Variants in CDK8 observed in about 807,000 individuals in gnomAD.
CDK8 encodes cyclin dependent kinase 8.
CDK8 carries 29 observed loss-of-function variants against 71.5 expected under a neutral mutation model. The ratio of observed to expected loss-of-function variants is 0.41; its 90% CI spans 0.30 to 0.55. CDK8 has a LOEUF of 0.55. Ranked by LOEUF, CDK8 falls within the 20% of genes least tolerant of loss-of-function variation. The probability of loss-of-function intolerance (pLI) is 0.37; values close to 1 mark genes in which losing one functional copy is unlikely to be tolerated. For missense variants in CDK8, 288 were observed against 572.6 expected, an observed-to-expected ratio of 0.50 and a Z score of 5.07; for synonymous variants, 161 against 192.1, an observed-to-expected ratio of 0.84 and a Z score of 1.34.
At chr13:26,277,903 T>C (rs1285996689) in intron 1 of CDK8, among the ~76,000 whole-genome samples, 1 of 152,230 alleles carries the variant, frequency 6.6e-6, no homozygotes, top group Non-Finnish European at 1.5e-5. Context: ...ATATGGGTAC[T>C]AGTTCAAATA....
At position 26,400,544 on chromosome 13, in the gene CDK8, C is replaced by T. The variant is rs2138073950; in HGVS notation, c.1025C>T (p.Thr342Ile). ...DPYFLEDPLP[T>I]SDVFAGCQIP... is the part of the protein sequence containing the mutation. Reference sequence around the variant, plus strand: ...TATTTCTTAGAAGACCCACTTCCTACATCAGAGTAAGTGGCCTAGTTGGTT... The same window carrying T: ...TATTTCTTAGAAGACCCACTTCCTATATCAGAGTAAGTGGCCTAGTTGGTT... Residue 342 changes from threonine (T) to isoleucine (I), a missense_variant, in exon 10 of 13, where the codon ACA (threonine) becomes ATA (isoleucine). By Grantham distance (89) the Thr-to-Ile change is moderately conservative (BLOSUM62 -1). This residue lies in a region of CDK8 where 96 missense variants were observed against 229.8 expected (regional missense o/e 0.42). Transcript: ENST00000381527. 6.3e-7 allele frequency: 1 copy of T among 1,592,650 alleles called. No homozygotes were observed. The highest frequency in any genetic ancestry group is 1.3e-5 in the African/African-American group (1 of 74,580).
chr13:26,350,620 CAG>C (rs1873645011), intron 3 of CDK8, among the ~76,000 whole-genome samples: 1 of 152,072 alleles, frequency 6.6e-6, no homozygotes, highest in Non-Finnish European at 1.5e-5. Flanking sequence ...TTAGTAGAGA[CAG>C]GGTTTCACCA....
intron 1 of CDK8, among the ~76,000 whole-genome samples, chr13:26,326,769 T>A (rs778709909): frequency 1.9e-4 from 29 of 152,200 alleles, no homozygotes; most frequent in Admixed American, 5.9e-4. Flanking sequence ...TGTGTTCAAG[T>A]GCAGTCTCTG....
rs1389060598 is a variant in CDK8, at chr13:26,404,139, C to G, written c.*58C>G. 1.9e-6 allele frequency: 3 copies of G among 1,594,172 alleles called. No individual in the cohort carries two copies. The highest frequency in any genetic ancestry group is 2.6e-6 in the Non-Finnish European group (3 of 1,168,228). On this transcript the variant is annotated 3_prime_UTR_variant, in exon 13 of 13. Transcript: ENST00000381527. ...GAATGCTGCAGGGCTGACTGTGCAG[C>G]TCTCTGCGGGAACCTGGTATGGGCC...
intron 4 of CDK8, among the ~76,000 whole-genome samples, chr13:26,368,886 CTTTTGTTTTT>C (rs1258568546): frequency 6.6e-6 from 1 of 151,816 alleles, no homozygotes; most frequent in Non-Finnish European, 1.5e-5. Flanking sequence ...ATATTGTTTT[CTTTTGTTTTT>C]AATGTTGAAC....
At chr13:26,326,136 T>G (rs1385157755) in intron 1 of CDK8, among the ~76,000 whole-genome samples, 1 of 152,206 alleles carries the variant, frequency 6.6e-6, no homozygotes, top group African/African-American at 2.4e-5. Context: ...AAGTATGACA[T>G]CATAGGGGTA....
chr13:26,298,186 G>T (rs754886040), intron 1 of CDK8, among the ~76,000 whole-genome samples: 1 of 152,060 alleles, frequency 6.6e-6, no homozygotes, highest in Non-Finnish European at 1.5e-5. Context: ...ATGAGTTCTT[G>T]GCAAGCAGTG....
At chr13:26,384,248 T>G (rs1018704847) in intron 5 of CDK8, among the ~76,000 whole-genome samples, 2 of 85,044 alleles carry the variant, frequency 2.4e-5, no homozygotes, top group East Asian at 1.2e-3. Context: ...ACTTTTGGGT[T>G]TTTTTTTTTA....
chr13:26,263,982 C>T (rs1871908568), intron 1 of CDK8, among the ~76,000 whole-genome samples: 1 of 141,492 alleles, frequency 7.1e-6, no homozygotes, highest in Non-Finnish European at 1.5e-5. Context: ...CTCCTGACCT[C>T]GTGATCCGCC....
intron 9 of CDK8, among the ~76,000 whole-genome samples, chr13:26,398,293 T>C (rs747142000): frequency 2.6e-5 from 4 of 152,284 alleles, no homozygotes; most frequent in Non-Finnish European, 5.9e-5. Flanking sequence ...TTCGAAATTA[T>C]GGACTTACTG....
At chr13:26,276,124 G>A (rs1872554691) in intron 1 of CDK8, among the ~76,000 whole-genome samples, 1 of 152,192 alleles carries the variant, frequency 6.6e-6, no homozygotes, top group Non-Finnish European at 1.5e-5. Flanking sequence ...GCCTCCCAAA[G>A]TGCTGGGATT....
chr13:26,345,446 A>G (rs1301918085), intron 2 of CDK8, among the ~76,000 whole-genome samples: 1 of 151,980 alleles, frequency 6.6e-6, no homozygotes, highest in Non-Finnish European at 1.5e-5. Flanking sequence ...CCTTGGTGTG[A>G]TCTCAGCTCA....
chr13:26,335,591 T>C (rs1425377959), intron 1 of CDK8, among the ~76,000 whole-genome samples: 1 of 152,150 alleles, frequency 6.6e-6, no homozygotes, highest in African/African-American at 2.4e-5. Context: ...ATCACCTACC[T>C]GTTCCCTCAA....
At chr13:26,359,775 G>A in intron 4 of CDK8, 1 of 406,054 alleles carries the variant, frequency 2.5e-6, no homozygotes, top group Non-Finnish European at 4.9e-6. Context: ...GAGTGCAATG[G>A]CATGATCACA....
intron 2 of CDK8, among the ~76,000 whole-genome samples, chr13:26,342,641 G>A (rs1246581446): frequency 6.6e-6 from 1 of 152,128 alleles, no homozygotes; most frequent in Non-Finnish European, 1.5e-5. Flanking sequence ...TGTCCACTGA[G>A]ACAGTTCCAT....
intron 6 of CDK8, among the ~76,000 whole-genome samples, chr13:26,386,544 C>G (rs532904774): frequency 7.6e-4 from 115 of 152,158 alleles, no homozygotes; most frequent in Middle Eastern, 3.4e-3. Flanking sequence ...TGCCTTTTCC[C>G]TTTTTTATTC....
chr13:26,272,342 C>G (rs1872369985), intron 1 of CDK8, among the ~76,000 whole-genome samples: 1 of 151,610 alleles, frequency 6.6e-6, no homozygotes, highest in Non-Finnish European at 1.5e-5. Context: ...TTATTTTTTG[C>G]TTTTTAAACG....
rs183197776 is a variant in CDK8 at position 26,342,393 on chromosome 13, C to T, written c.204+4751C>T. Among the ~76,000 whole-genome samples, 99 of 152,198 alleles carry T rather than the reference C, an allele frequency of 6.5e-4. 1 individual carries two copies. The highest frequency in any genetic ancestry group is 8.8e-5 in the Non-Finnish European group (6 of 68,028). On this transcript the variant is annotated intron_variant, in intron 2 of 12. Transcript: ENST00000381527. ...TCACAGCGTCAAACACACAGGAATG[C>T]ATGAGGGGTGACAACCTTGCCAGAC...
At chr13:26,344,315 G>T (rs1459566787) in intron 2 of CDK8, among the ~76,000 whole-genome samples, 1 of 152,160 alleles carries the variant, frequency 6.6e-6, no homozygotes, top group African/African-American at 2.4e-5. Context: ...CATCTAGGTT[G>T]ATTCCATGCT....
Sources: allele counts gnomAD v4.1 joint callset (sites outside exome capture counted in the v4.1 genomes callset), GRCh38; gene constraint gnomAD v4.1.1; regional missense constraint gnomAD v4.1.1; transcripts MANE v1.5; gene names NCBI Gene and HGNC (gene_info 2026-07-23, HGNC 2026-07-21).